The following COL1A1 variants were observed in gnomAD, a reference collection of about 807,000 sequenced individuals.
COL1A1 encodes the protein collagen type I alpha 1 chain.
A neutral mutation model predicts 195.7 loss-of-function variants in COL1A1; 21 were observed. The observed-to-expected ratio is 0.11, with a 90% confidence interval of 0.08 to 0.15. The LOEUF (loss-of-function observed/expected upper bound fraction) is 0.15. Ranked by LOEUF, COL1A1 falls within the 10% of genes least tolerant of loss-of-function variation. COL1A1 has a pLI of 1.00. For missense variants in COL1A1, 1,365 were observed against 2,051.0 expected, an observed-to-expected ratio of 0.67 and a Z score of 6.46; for synonymous variants, 749 against 747.3, an observed-to-expected ratio of 1.00 and a Z score of -0.04.
chr17:50,193,906 G>A, intron 25 of COL1A1, 37 bp downstream of exon 25: 1 of 1,583,218 alleles, frequency 6.3e-7, no homozygotes, highest in Non-Finnish European at 8.7e-7. Flanking sequence ...AGGTGTGTTT[G>A]TCCCTGGCTC....
chr17:50,200,113 G>C (rs1178147689), intron 1 of COL1A1, 166 bp from the exon 2 acceptor site: 7 of 768,540 alleles, frequency 9.1e-6, no homozygotes, highest in Non-Finnish European at 1.5e-5. Flanking sequence ...ATCAGCGCGG[G>C]TGACAGCGCC....
At position 50,187,430 on chromosome 17, in the gene COL1A1, C is replaced by A. The variant is rs555557362; in HGVS notation, c.3423+54G>T. The A allele has an allele frequency of 2.5e-6, 4 of 1,597,666 alleles. No individual in the cohort carries two copies. In the African/African-American group the frequency reaches 5.4e-5, roughly 21 times the overall value. ...TGCCTGGGTCCCTGGCAAGGGTCCC[C>A]GAGGTGAGCCTGGGCTTGGGGCTCA... On this transcript the variant is annotated intron_variant, in intron 46 of 50. Coordinates refer to ENST00000225964, the MANE Select transcript of COL1A1 (RefSeq NM_000088.4).
intron 14 of COL1A1, 54 bp downstream of exon 14, chr17:50,196,260 C>T: frequency 6.2e-7 from 1 of 1,611,512 alleles, no homozygotes; most frequent in Non-Finnish European, 8.5e-7. Flanking sequence ...CCTAGAGTTC[C>T]TGGGGAGCCC....
In COL1A1 at chr17:50,190,574, G is replaced by A. The variant is rs1332103495; in HGVS notation, c.2366C>T (p.Pro789Leu). Residue 789 changes from proline (P) to leucine (L), a missense_variant, in exon 34 of 51, where the codon CCT (proline) becomes CTT (leucine). Pro to Leu is a moderately conservative substitution (Grantham distance 98). This residue lies in a region of COL1A1 where 671 missense variants were observed against 1,099.9 expected (regional missense o/e 0.61). Transcript: ENST00000225964. The surrounding 1 kb of genome is among the most constrained non-coding windows in gnomAD (Gnocchi z 4.7). ...ACCACGAGCTCCAGTGGGACCAGCA[G>A]GGCCGCTGGGACCACTTTCACCCTG... ...GDKGESGPSG[P>L]AGPTGARGAP... 1 of 1,613,268 alleles carries A rather than the reference G, an allele frequency of 6.2e-7. No individual in the cohort carries two copies. Among genetic ancestry groups the A allele is most frequent in the Admixed American group, 1.7e-5 (1 of 59,954 alleles).
intron 28 of COL1A1, 22 bp downstream of exon 28, chr17:50,192,618 C>G (rs1238932709): frequency 1.2e-6 from 2 of 1,614,210 alleles, no homozygotes; most frequent in Non-Finnish European, 1.7e-6. Context: ...CTCCCAGCAT[C>G]CTGACAGCCA....
chr17:50,196,301 C>T lies in COL1A1; in HGVS notation c.957+13G>A, dbSNP rs1907585668. 1.9e-6 allele frequency: 3 copies of T among 1,607,718 alleles called. No individual in the cohort carries two copies. In the Admixed American group the frequency reaches 5.1e-5, roughly 27 times the overall value. On this transcript the variant is annotated intron_variant, in intron 14 of 50. Coordinates refer to ENST00000225964, the MANE Select transcript of COL1A1 (RefSeq NM_000088.4). The stretch of plus-strand genomic sequence containing the variant: ...AGAGCTCAGGGATCCCCCAAGGGGC[C>T]AGGAGTACTTACAGCAGGGCCAGGG...
At chr17:50,200,326 C>T (rs544760880) in intron 1 of COL1A1, 3 of 358,998 alleles carry the variant, frequency 8.4e-6, no homozygotes, top group Non-Finnish European at 1.6e-5. Context: ...GAGTGGCTTG[C>T]GTGGTAGAGA....
At chr17:50,200,259 GA>G (rs1907970045) in intron 1 of COL1A1, 1 of 439,068 alleles carries the variant, frequency 2.3e-6, no homozygotes. Context: ...CACAGGGTGA[GA>G]GGGGGAGGGC....
Position 50,188,799 on chromosome 17 carries a change from C to CAGAGAG in COL1A1, c.3046-10_3046-5dup, listed in dbSNP as rs138425306. Reference sequence around the variant, plus strand: ...AACCTTCGGCACCAGGAGCCCCCTGCAGAGAGAGAGAGAGAGAAGTGAGAG... The same window carrying CAGAGAG: ...AACCTTCGGCACCAGGAGCCCCCTGCAGAGAGAGAGAGAGAGAGAGAGAAGTGAGAG... On this transcript the variant is annotated splice_region_variant and splice_polypyrimidine_tract_variant and intron_variant, in intron 41 of 50. Transcript: ENST00000225964. This position sits in a 1 kb window ranked among gnomAD's most constrained non-coding sequence, Gnocchi z 5.6. 1 of 1,537,702 alleles carries CAGAGAG rather than the reference C, an allele frequency of 6.5e-7. No homozygotes were observed. The highest frequency in any genetic ancestry group is 8.9e-7 in the Non-Finnish European group (1 of 1,121,678).
chr17:50,200,109 G>C, intron 1 of COL1A1, 162 bp from the exon 2 acceptor site: 2 of 769,282 alleles, frequency 2.6e-6, no homozygotes, highest in Non-Finnish European at 4.4e-6. Context: ...CCTCATCAGC[G>C]CGGGTGACAG....
At chr17:50,201,157 C>A (rs1908058993) in intron 1 of COL1A1, among the ~76,000 whole-genome samples, 1 of 152,348 alleles carries the variant, frequency 6.6e-6, no homozygotes, top group Admixed American at 6.5e-5. Context: ...CCCGGTTGCG[C>A]GCTCGGGATT....
chr17:50,191,627 G>T, intron 31 of COL1A1, 137 bp from the exon 32 acceptor site: 1 of 1,102,908 alleles, frequency 9.1e-7, no homozygotes, highest in Non-Finnish European at 1.3e-6. Flanking sequence ...AAGACTCACA[G>T]CCCAGACTCC....
Position 50,189,028 on chromosome 17 carries a change from G to T in COL1A1, c.2938-18C>A. On this transcript the variant is annotated intron_variant, in intron 40 of 50. Coordinates refer to ENST00000225964, the MANE Select transcript of COL1A1 (RefSeq NM_000088.4). This position sits in a 1 kb window ranked among gnomAD's most constrained non-coding sequence, Gnocchi z 5.5. The stretch of plus-strand genomic sequence containing the variant: ...GGTTCACCCTAAGGGAGAAGAAAGA[G>T]TCAGGCCAGAGATAGGGTCTGGGAG... 1 of 1,606,698 alleles carries T rather than the reference G, an allele frequency of 6.2e-7. No individual in the cohort carries two copies. The highest frequency in any genetic ancestry group is 8.5e-7 in the Non-Finnish European group (1 of 1,173,468).
chr17:50,196,732 C>T, intron 11 of COL1A1, 62 bp from the exon 12 acceptor site: 1 of 1,564,346 alleles, frequency 6.4e-7, no homozygotes, highest in Non-Finnish European at 8.8e-7. Flanking sequence ...CCTTGACATC[C>T]ACCTAGATCT....
Position 50,195,259 on chromosome 17 carries a change from G to C in COL1A1, c.1272C>G (p.Gly424=). The C allele has an allele frequency of 6.2e-7, 1 of 1,613,116 alleles. No individual in the cohort carries two copies. The highest frequency in any genetic ancestry group is 8.5e-7 in the Non-Finnish European group (1 of 1,179,532). Reference sequence around the variant, plus strand: ...TGTTACCCTTGGGACCAGGAGGGCCGCCGGGGCCCTGGGGTCCAGAGGGGC... The same window carrying C: ...TGTTACCCTTGGGACCAGGAGGGCCCCCGGGGCCCTGGGGTCCAGAGGGGC... The part of the protein sequence containing the change: ...ARGPSGPQGP[G]GPPGPKGNSG... Residue 424 remains glycine (G), a synonymous_variant, in exon 19 of 51, where the codon GGC becomes GGG. Coordinates refer to ENST00000225964, the MANE Select transcript of COL1A1 (RefSeq NM_000088.4). The surrounding 1 kb of genome is among the most constrained non-coding windows in gnomAD (Gnocchi z 4.3).
At position 50,197,172 on chromosome 17, in the gene COL1A1, C is replaced by T. The variant is rs1907668294; in HGVS notation, c.750+8G>A. ...GAAGCCCAGGTTCAGCCACAGCCCC[C>T]TGCTCACCTGAGGCCCAGGAGGCCC... is the stretch of plus-strand genomic sequence containing the variant. On this transcript the variant is annotated splice_region_variant and intron_variant, in intron 10 of 50. Coordinates refer to ENST00000225964, the MANE Select transcript of COL1A1 (RefSeq NM_000088.4). 6.2e-7 allele frequency: 1 copy of T among 1,613,804 alleles called. No homozygotes were observed. Among genetic ancestry groups the T allele is most frequent in the Non-Finnish European group, 8.5e-7 (1 of 1,180,022 alleles).
rs1353193850 is a variant in COL1A1, at chr17:50,191,686, C to T, written c.2127+102G>A. On this transcript the variant is annotated intron_variant, in intron 31 of 50. Coordinates refer to ENST00000225964, the MANE Select transcript of COL1A1 (RefSeq NM_000088.4). ...TGGTCTTTTCCCCCCACCCCACACC[C>T]TATCTCCATGGCTTTGGTCATGGCC... The T allele has an allele frequency of 4.4e-6, 6 of 1,354,962 alleles. No homozygotes were observed. In the African/African-American group the frequency reaches 7.2e-5, roughly 16 times the overall value. The allele number at this position is 1,354,962 out of a possible 1,614,324, so 83.9% of individuals were successfully genotyped here. A position where few individuals can be genotyped will look rare whatever the true frequency, so the allele number is the denominator to read the frequency against.
At chr17:50,192,893 C>A in intron 26 of COL1A1, 43 bp from the exon 27 acceptor site, 1 of 1,613,380 alleles carries the variant, frequency 6.2e-7, no homozygotes, top group Non-Finnish European at 8.5e-7. Context: ...TAGGAGGCCC[C>A]GAGCAGCTGA....
Position 50,199,275 on chromosome 17 carries a change from G to A in COL1A1, c.422C>T (p.Pro141Leu). 2 of 1,516,824 alleles carry A rather than the reference G, an allele frequency of 1.3e-6. No homozygotes were observed. The highest frequency in any genetic ancestry group is 1.8e-6 in the Non-Finnish European group (2 of 1,127,504). 94.0% of individuals were successfully genotyped at this position (1,516,824 alleles called of 1,614,324 possible). A position where few individuals can be genotyped will look rare whatever the true frequency, so the allele number is the denominator to read the frequency against. Residue 141 changes from proline (P) to leucine (L), a missense_variant, in exon 5 of 51, where the codon CCC (proline) becomes CTC (leucine). Coordinates refer to ENST00000225964, the MANE Select transcript of COL1A1 (RefSeq NM_000088.4). The stretch of plus-strand genomic sequence containing the variant: ...AGGTCCGGGGGGTCCGGGGGGTCCG[G>A]GAAGTCCAGGCTGTCCAGGGATGCC... ...RDGIPGQPGL[P>L]GPPGPPGPPG...
Sources: allele counts gnomAD v4.1 joint callset (sites outside exome capture counted in the v4.1 genomes callset), GRCh38; gene constraint gnomAD v4.1.1; regional missense constraint gnomAD v4.1.1; non-coding constraint Gnocchi (gnomAD v3.1); transcripts MANE v1.5; gene names NCBI Gene and HGNC (gene_info 2026-07-23, HGNC 2026-07-21).